SMAD2: variants seen among roughly 807,000 people sequenced by gnomAD.
SMAD2 encodes SMAD family member 2.
A neutral mutation model predicts 64.4 loss-of-function variants in SMAD2; 8 were observed. The observed-to-expected ratio is 0.12, with a 90% CI of 0.07 to 0.22. The LOEUF (loss-of-function observed/expected upper bound fraction) is 0.22. Ranked by LOEUF, SMAD2 falls within the 10% of genes least tolerant of loss-of-function variation. SMAD2 has a pLI of 1.00. For missense variants in SMAD2, 289 were observed against 561.2 expected (o/e 0.51, Z 4.90); for synonymous variants, 203 against 195.8 (o/e 1.04, Z -0.31).
At chr18:47,885,118 TAG>T (rs1486234504) in intron 2 of SMAD2, among the ~76,000 whole-genome samples, 20 of 149,684 alleles carry the variant, frequency 1.3e-4, no homozygotes, top group Non-Finnish European at 3.0e-5. Context: ...ATCGATTTTC[TAG>T]ATTTAGTCAT....
Position 47,819,709 on chromosome 18 carries a change from T to G in SMAD2, c.*22118A>C, listed in dbSNP as rs1467826814. 2 of 142,100 alleles carry G rather than the reference T, an allele frequency of 1.4e-5. No homozygotes were observed. Among genetic ancestry groups the G allele is most frequent in the Admixed American group, 1.6e-4 (2 of 12,844 alleles). The allele number at this position is 142,100 out of a possible 1,614,324, so 8.8% of individuals were successfully genotyped here. Reference sequence around the variant, plus strand: ...TACTCGGGAGGCTGAGGCAGGAGAATGGCATGAACCCAGAAGGCGGAGCTT... The same window carrying G: ...TACTCGGGAGGCTGAGGCAGGAGAAGGGCATGAACCCAGAAGGCGGAGCTT... On this transcript the variant is annotated 3_prime_UTR_variant, in exon 11 of 11. Coordinates refer to ENST00000262160, the MANE Select transcript of SMAD2 (RefSeq NM_005901.6).
intron 1 of SMAD2, among the ~76,000 whole-genome samples, chr18:47,909,203 T>A (rs1209750950): frequency 6.6e-6 from 1 of 152,232 alleles, no homozygotes; most frequent in Non-Finnish European, 1.5e-5. Flanking sequence ...ACAGGATTGC[T>A]ATAAAGAAAG....
chr18:47,869,107 C>A, intron 4 of SMAD2, 136 bp downstream of exon 4: 8 of 629,796 alleles, frequency 1.3e-5, no homozygotes, highest in Non-Finnish European at 2.2e-5. Flanking sequence ...TTTTAATTAC[C>A]ACCAAATAAT....
intron 2 of SMAD2, among the ~76,000 whole-genome samples, chr18:47,882,094 G>A (rs35869307): frequency 8.8e-6 from 1 of 113,876 alleles, no homozygotes; most frequent in South Asian, 3.1e-4. Flanking sequence ...ATGTTGCCTA[G>A]GCTGGTTTCA....
At chr18:47,892,367 T>G in intron 2 of SMAD2, among the ~76,000 whole-genome samples, 1 of 151,960 alleles carries the variant, frequency 6.6e-6, no homozygotes, top group Admixed American at 6.6e-5. Context: ...ACCCAGCTAG[T>G]TTTTGTATTT....
At chr18:47,926,644 G>C (rs180918327) in intron 1 of SMAD2, among the ~76,000 whole-genome samples, 2 of 152,198 alleles carry the variant, frequency 1.3e-5, no homozygotes, top group African/African-American at 4.8e-5. Flanking sequence ...TCTTATTAAG[G>C]GTCTCCAAGG....
intron 1 of SMAD2, among the ~76,000 whole-genome samples, chr18:47,906,465 G>C (rs1335547606): frequency 6.6e-6 from 1 of 151,966 alleles, no homozygotes; most frequent in Non-Finnish European, 1.5e-5. Context: ...CACATGAAGA[G>C]GTATTTAGTA....
chr18:47,858,728 G>T (rs2144343334), intron 6 of SMAD2, among the ~76,000 whole-genome samples: 1 of 152,194 alleles, frequency 6.6e-6, no homozygotes, highest in African/African-American at 2.4e-5. Flanking sequence ...TATAACATAA[G>T]TACAATGTAA....
intron 6 of SMAD2, among the ~76,000 whole-genome samples, chr18:47,864,573 C>G (rs1300351103): frequency 2.0e-5 from 3 of 152,060 alleles, no homozygotes; most frequent in Non-Finnish European, 4.4e-5. Flanking sequence ...TAATTTTTTT[C>G]TTCATCACTT....
intron 2 of SMAD2, among the ~76,000 whole-genome samples, chr18:47,874,056 TAG>T (rs1568070539): frequency 6.6e-6 from 1 of 152,180 alleles, no homozygotes; most frequent in African/African-American, 2.4e-5. Context: ...GCTAAGTATA[TAG>T]AGATACAGCA....
At chr18:47,849,666 T>C (rs933515401) in intron 7 of SMAD2, among the ~76,000 whole-genome samples, 13 of 152,094 alleles carry the variant, frequency 8.5e-5, no homozygotes, top group Non-Finnish European at 1.9e-4. Context: ...CTAGATTACT[T>C]ATAATACCTA....
At position 47,835,750 on chromosome 18, in the gene SMAD2, A is replaced by G. The variant is rs1439973225; in HGVS notation, c.*6077T>C. On this transcript the variant is annotated 3_prime_UTR_variant, in exon 11 of 11. Transcript: ENST00000262160. ...TATATAATATTTAAGTACTTTTATA[A>G]TTCTAAAACTTCACTTTTGTCCTTA... 1 of 189,466 alleles carries G rather than the reference A, an allele frequency of 5.3e-6. No individual in the cohort carries two copies. The highest frequency in any genetic ancestry group is 1.1e-5 in the Non-Finnish European group (1 of 90,168). The allele number at this position is 189,466 out of a possible 1,614,324, so 11.7% of individuals were successfully genotyped here.
rs1913605967 is a variant in SMAD2, at chr18:47,838,101, C to T, written c.*3726G>A. 8.6e-6 allele frequency: 2 copies of T among 232,960 alleles called. No individual in the cohort carries two copies. The highest frequency in any genetic ancestry group is 1.2e-4 in the East Asian group (2 of 16,484). The allele number at this position is 232,960 out of a possible 1,614,324, so 14.4% of individuals were successfully genotyped here. ...TTTTCTTTTATTTGATTTCAACTAG[C>T]AAGAGACTAAGACTGATGTTTGTTT... is the stretch of plus-strand genomic sequence containing the variant. On this transcript the variant is annotated 3_prime_UTR_variant, in exon 11 of 11. Coordinates refer to ENST00000262160, the MANE Select transcript of SMAD2 (RefSeq NM_005901.6).
intron 5 of SMAD2, 141 bp downstream of exon 5, chr18:47,868,182 A>G (rs1353260333): frequency 2.1e-5 from 15 of 725,494 alleles, no homozygotes; most frequent in Non-Finnish European, 3.2e-5. Flanking sequence ...TCACAAAATA[A>G]TCACCCAACG....
At chr18:47,875,474 C>T (rs1041775661) in intron 2 of SMAD2, among the ~76,000 whole-genome samples, 4 of 151,982 alleles carry the variant, frequency 2.6e-5, no homozygotes, top group African/African-American at 9.7e-5. Flanking sequence ...AACTGTATCT[C>T]CCAGGTTTTC....
intron 3 of SMAD2, among the ~76,000 whole-genome samples, chr18:47,870,191 T>C (rs1266977098): frequency 1.3e-5 from 2 of 152,124 alleles, no homozygotes; most frequent in Non-Finnish European, 2.9e-5. Context: ...CAGATTATAA[T>C]CTGATCTCAA....
intron 6 of SMAD2, among the ~76,000 whole-genome samples, chr18:47,853,985 T>G (rs1375241247): frequency 6.6e-6 from 1 of 152,184 alleles, no homozygotes; most frequent in Non-Finnish European, 1.5e-5. Context: ...TAGGATCATT[T>G]AAATTAACAG....
intron 1 of SMAD2, among the ~76,000 whole-genome samples, chr18:47,899,219 G>GTT (rs1227534451): frequency 6.6e-6 from 1 of 152,118 alleles, no homozygotes; most frequent in African/African-American, 2.4e-5. Context: ...CGAAGTATTT[G>GTT]GGGAACATAA....
intron 8 of SMAD2, among the ~76,000 whole-genome samples, chr18:47,847,596 A>G (rs1914628743): frequency 6.6e-6 from 1 of 151,270 alleles, no homozygotes; most frequent in Non-Finnish European, 1.5e-5. Flanking sequence ...TTACATATTA[A>G]CAATGTTTAT....
Sources: allele counts gnomAD v4.1 joint callset (sites outside exome capture counted in the v4.1 genomes callset), GRCh38; gene constraint gnomAD v4.1.1; transcripts MANE v1.5; gene names NCBI Gene and HGNC (gene_info 2026-07-23, HGNC 2026-07-21).